The following GABBR2 variants were observed in gnomAD, a reference collection of about 807,000 sequenced individuals.
The protein encoded by GABBR2 is G-protein coupled receptor 51.
In GABBR2, 23 loss-of-function variants were observed where a neutral mutation model predicts 105.6. The ratio of observed to expected loss-of-function variants is 0.22; its 90% CI spans 0.16 to 0.31. The LOEUF (loss-of-function observed/expected upper bound fraction) is 0.31, where lower values mean the gene tolerates loss of function less well. GABBR2 is among the 10% of genes least tolerant of loss of function. GABBR2 has a pLI of 1.00. For missense variants in GABBR2, 734 were observed against 1,245.5 expected (o/e 0.59, Z 6.18); for synonymous variants, 478 against 499.7 (o/e 0.96, Z 0.58).
At chr9:98,665,008 T>C (rs1173426423) in intron 1 of GABBR2, among the ~76,000 whole-genome samples, 1 of 152,178 alleles carries the variant, frequency 6.6e-6, no homozygotes, top group Non-Finnish European at 1.5e-5. Flanking sequence ...GGCATGTACC[T>C]GTAGTCCCAG....
intron 1 of GABBR2, among the ~76,000 whole-genome samples, chr9:98,602,108 C>T (rs1385329901): frequency 6.6e-6 from 1 of 152,062 alleles, no homozygotes; most frequent in Non-Finnish European, 1.5e-5. Context: ...TCAAGCAATC[C>T]TCCCTCCTCA....
At chr9:98,670,251 T>C (rs888973051) in intron 1 of GABBR2, among the ~76,000 whole-genome samples, 1 of 150,824 alleles carries the variant, frequency 6.6e-6, no homozygotes, top group South Asian at 2.1e-4. Context: ...CAGTCAATTA[T>C]AGAACATTTT....
intron 4 of GABBR2, among the ~76,000 whole-genome samples, chr9:98,493,648 G>A (rs1451559644): frequency 6.6e-6 from 1 of 152,158 alleles, no homozygotes; most frequent in East Asian, 1.9e-4. Context: ...TTTCTTGTCT[G>A]TCCTCTGTAC....
At chr9:98,440,399 C>A (rs1020616204) in intron 7 of GABBR2, among the ~76,000 whole-genome samples, 1 of 152,142 alleles carries the variant, frequency 6.6e-6, no homozygotes, top group African/African-American at 2.4e-5. Context: ...GCAAGTGGAG[C>A]CAAGATGAGA....
intron 18 of GABBR2, among the ~76,000 whole-genome samples, chr9:98,293,248 C>A (rs1157616293): frequency 7.9e-5 from 12 of 152,108 alleles, no homozygotes; most frequent in Admixed American, 6.6e-4. Flanking sequence ...CTTCTCTGAC[C>A]ACCCTATTTA....
intron 1 of GABBR2, among the ~76,000 whole-genome samples, chr9:98,603,951 C>T (rs1250309413): frequency 6.6e-6 from 1 of 152,208 alleles, no homozygotes; most frequent in African/African-American, 2.4e-5. Flanking sequence ...AAAATATCAC[C>T]TAGAATTCAG....
chr9:98,497,633 T>G (rs1352548429), intron 3 of GABBR2, among the ~76,000 whole-genome samples: 1 of 152,222 alleles, frequency 6.6e-6, no homozygotes. Context: ...CGTGTGATTC[T>G]TCCCTTCTCT....
At chr9:98,367,329 A>G (rs997125850) in intron 12 of GABBR2, among the ~76,000 whole-genome samples, 4 of 150,886 alleles carry the variant, frequency 2.7e-5, no homozygotes, top group Non-Finnish European at 5.9e-5. Flanking sequence ...GGGGGCCACT[A>G]AAAAAAGTCC....
intron 1 of GABBR2, chr9:98,581,089 G>A (rs1828994966): frequency 6.6e-6 from 1 of 152,422 alleles, no homozygotes; most frequent in African/African-American, 2.4e-5. Context: ...ACCGATGGTG[G>A]AGGCAGTGAG....
chr9:98,615,704 A>G (rs1829573254), intron 1 of GABBR2, among the ~76,000 whole-genome samples: 1 of 152,204 alleles, frequency 6.6e-6, no homozygotes, highest in African/African-American at 2.4e-5. Context: ...GGTGCTGTAC[A>G]TAGCCCAGAT....
At position 98,690,331 on chromosome 9, in the gene GABBR2, A is replaced by G. The variant is rs371357402; in HGVS notation, c.321+18086T>C. The stretch of plus-strand genomic sequence containing the variant: ...AGATCCAACCCCGTATTCTGAACAC[A>G]TCCTTCCTTTCCCCAGGGCTCCCCC... On this transcript the variant is annotated intron_variant, in intron 1 of 18. Coordinates refer to ENST00000259455, the MANE Select transcript of GABBR2 (RefSeq NM_005458.8). 2.8e-4 allele frequency among the ~76,000 whole-genome samples: 42 copies of G among 152,246 alleles called. 2 individuals are homozygous for G. In the South Asian group the frequency reaches 8.5e-3, roughly 31 times the overall value.
intron 1 of GABBR2, among the ~76,000 whole-genome samples, chr9:98,619,189 CA>C (rs966118008): frequency 1.3e-5 from 2 of 151,934 alleles, no homozygotes; most frequent in African/African-American, 4.8e-5. Context: ...TAAAAATAGA[CA>C]AACCCAAAAG....
chr9:98,536,412 T>C (rs1828182014), intron 3 of GABBR2, among the ~76,000 whole-genome samples: 1 of 152,130 alleles, frequency 6.6e-6, no homozygotes, highest in Non-Finnish European at 1.5e-5. Flanking sequence ...AACATAGAAT[T>C]GAGAGCCCAA....
At position 98,573,506 on chromosome 9, in the gene GABBR2, A is replaced by C. The variant is rs189586086; in HGVS notation, c.459+4429T>G. 4.6e-5 allele frequency among the ~76,000 whole-genome samples: 7 copies of C among 152,214 alleles called. No homozygotes were observed. In the East Asian group the frequency reaches 1.4e-3, roughly 29 times the overall value. On this transcript the variant is annotated intron_variant, in intron 2 of 18. Coordinates refer to ENST00000259455, the MANE Select transcript of GABBR2 (RefSeq NM_005458.8). ...ACTATGTTCCCCAGGCTGGCCTCAAACCCCTGGCTTAAAGCCATCCTCCTG... is the reference window on the plus strand; with the variant it reads ...ACTATGTTCCCCAGGCTGGCCTCAACCCCCTGGCTTAAAGCCATCCTCCTG...
At chr9:98,378,165 A>T (rs939377001) in intron 11 of GABBR2, among the ~76,000 whole-genome samples, 1 of 152,218 alleles carries the variant, frequency 6.6e-6, no homozygotes, top group Non-Finnish European at 1.5e-5. Flanking sequence ...TGGGAGGCCA[A>T]GTGGGTGTTC....
At chr9:98,539,838 C>T (rs1251877697) in intron 3 of GABBR2, among the ~76,000 whole-genome samples, 3 of 150,778 alleles carry the variant, frequency 2.0e-5, no homozygotes, top group African/African-American at 4.9e-5. Context: ...ATTGCTTGAA[C>T]CCAGGAGGCA....
intron 1 of GABBR2, 27 bp downstream of exon 1, chr9:98,708,390 C>G (rs757234704): frequency 1.3e-5 from 17 of 1,357,564 alleles, no homozygotes; most frequent in Non-Finnish European, 1.6e-5. Flanking sequence ...CCCGAAGCCC[C>G]GACGGCAGGG....
chr9:98,587,072 T>A (rs1375950552), intron 1 of GABBR2, among the ~76,000 whole-genome samples: 2 of 152,246 alleles, frequency 1.3e-5, no homozygotes, highest in African/African-American at 4.8e-5. Context: ...CTGCTCCATA[T>A]CCTTGCCAGC....
chr9:98,683,155 G>A (rs1054474809), intron 1 of GABBR2, among the ~76,000 whole-genome samples: 1 of 151,606 alleles, frequency 6.6e-6, no homozygotes, highest in Non-Finnish European at 1.5e-5. Flanking sequence ...GTGCAATGGC[G>A]CGATCTCAGC....
Sources: allele counts gnomAD v4.1 joint callset (sites outside exome capture counted in the v4.1 genomes callset), GRCh38; gene constraint gnomAD v4.1.1; transcripts MANE v1.5; gene names NCBI Gene and HGNC (gene_info 2026-07-23, HGNC 2026-07-21).